NRXN3: variants seen among roughly 807,000 people sequenced by gnomAD.
NRXN3 encodes the protein neurexin III.
Under a neutral mutation model 137.6 loss-of-function variants are expected in NRXN3, and 32 were observed. That is an observed-to-expected ratio of 0.23 (90% CI 0.18 to 0.31). The LOEUF is 0.31. NRXN3 is among the 10% of genes least tolerant of loss of function. NRXN3 has a pLI of 1.00. For missense variants in NRXN3, 1,574 were observed against 2,062.5 expected (o/e 0.76, Z 4.59); for synonymous variants, 798 against 784.5 (o/e 1.02, Z -0.29).
chr14:78,962,908 T>G (rs765470475), intron 11 of NRXN3, among the ~76,000 whole-genome samples: 1 of 152,078 alleles, frequency 6.6e-6, no homozygotes, highest in Non-Finnish European at 1.5e-5. Flanking sequence ...AAGACGGGTT[T>G]TCACCATGTT....
intron 8 of NRXN3, among the ~76,000 whole-genome samples, chr14:78,767,806 T>C (rs941133521): frequency 2.0e-5 from 3 of 152,188 alleles, no homozygotes; most frequent in African/African-American, 7.2e-5. Flanking sequence ...TTCACCATTC[T>C]TGAACTATAT....
intron 19 of NRXN3, among the ~76,000 whole-genome samples, chr14:79,726,295 AC>A (rs1443522465): frequency 6.6e-6 from 1 of 152,200 alleles, no homozygotes; most frequent in East Asian, 1.9e-4. Context: ...GGTAATAACT[AC>A]CTTGGAAGTA....
At chr14:78,590,747 C>G (rs2097108907) in intron 4 of NRXN3, among the ~76,000 whole-genome samples, 1 of 152,072 alleles carries the variant, frequency 6.6e-6, no homozygotes, top group African/African-American at 2.4e-5. Flanking sequence ...AACCTTCTCT[C>G]TACTAAAAAA....
chr14:78,846,982 G>A (rs2099029001), intron 10 of NRXN3, among the ~76,000 whole-genome samples: 1 of 151,994 alleles, frequency 6.6e-6, no homozygotes, highest in South Asian at 2.1e-4. Context: ...TTGATACTTG[G>A]GTACTTGTCT....
At chr14:78,256,176 G>GAGGC (rs2069557469) in intron 2 of NRXN3, among the ~76,000 whole-genome samples, 1 of 152,100 alleles carries the variant, frequency 6.6e-6, no homozygotes, top group Non-Finnish European at 1.5e-5. Flanking sequence ...ATGGCTGTTT[G>GAGGC]AGGCAGGCAC....
At chr14:78,443,081 T>A (rs1598736567) in intron 4 of NRXN3, among the ~76,000 whole-genome samples, 1 of 152,238 alleles carries the variant, frequency 6.6e-6, no homozygotes, top group South Asian at 2.1e-4. Flanking sequence ...TTCCTTTAAC[T>A]GTGCACATAA....
chr14:79,078,304 C>T (rs1166527388), intron 15 of NRXN3, among the ~76,000 whole-genome samples: 5 of 152,132 alleles, frequency 3.3e-5, no homozygotes, highest in African/African-American at 1.2e-4. Context: ...CGCATGTTAA[C>T]CCATAGGAGG....
chr14:78,342,960 G>A (rs2082301543), intron 4 of NRXN3, among the ~76,000 whole-genome samples: 1 of 152,098 alleles, frequency 6.6e-6, no homozygotes, highest in Non-Finnish European at 1.5e-5. Context: ...ATTCTGCAGG[G>A]TGATTCTCTG....
chr14:79,072,891 T>C (rs1330581690), intron 15 of NRXN3, among the ~76,000 whole-genome samples: 1 of 151,370 alleles, frequency 6.6e-6, no homozygotes, highest in Admixed American at 6.6e-5. Context: ...TCTCTCTTTT[T>C]TTTTTTTTTG....
chr14:79,230,494 C>T (rs2071967997), intron 15 of NRXN3, among the ~76,000 whole-genome samples: 1 of 152,136 alleles, frequency 6.6e-6, no homozygotes, highest in African/African-American at 2.4e-5. Context: ...CTACCTTCTA[C>T]CTTGTGAGTT....
intron 19 of NRXN3, among the ~76,000 whole-genome samples, chr14:79,759,020 T>C (rs1475117678): frequency 6.6e-6 from 1 of 152,162 alleles, no homozygotes; most frequent in African/African-American, 2.4e-5. Context: ...ATTACAGAAA[T>C]CAGCTCTTGG....
chr14:78,350,053 T>C (rs2083273434), intron 4 of NRXN3, among the ~76,000 whole-genome samples: 1 of 152,162 alleles, frequency 6.6e-6, no homozygotes, highest in African/African-American at 2.4e-5. Context: ...TTTGGGAAGC[T>C]GAGGCAGGTG....
chr14:79,683,959 C>T (rs1297071122), intron 17 of NRXN3, among the ~76,000 whole-genome samples: 2 of 152,158 alleles, frequency 1.3e-5, no homozygotes, highest in East Asian at 3.9e-4. Context: ...AAGTCCAGCC[C>T]ACAATCAAGG....
chr14:78,350,911 A>G (rs2083393270), intron 4 of NRXN3, among the ~76,000 whole-genome samples: 1 of 152,170 alleles, frequency 6.6e-6, no homozygotes, highest in South Asian at 2.1e-4. Flanking sequence ...AAACCCCATT[A>G]CCCAGAATGA....
intron 14 of NRXN3, among the ~76,000 whole-genome samples, chr14:78,968,896 C>T (rs899834312): frequency 2.0e-5 from 3 of 152,118 alleles, no homozygotes; most frequent in African/African-American, 7.2e-5. Flanking sequence ...CTAGGCAGTT[C>T]TTTAGTGTGG....
At chr14:78,638,924 T>C (rs61976139) in intron 4 of NRXN3, among the ~76,000 whole-genome samples, 9,281 of 152,304 alleles carry the variant, frequency 0.061, 339 homozygotes, top group Middle Eastern at 0.15. Context: ...AGTTGTGTAC[T>C]CTTTTGCCTT....
chr14:79,308,404 T>G (rs1167372854), intron 15 of NRXN3, among the ~76,000 whole-genome samples: 2 of 152,100 alleles, frequency 1.3e-5, no homozygotes, highest in African/African-American at 4.8e-5. Flanking sequence ...CTTGAAGGAC[T>G]TAGGATGCTA....
chr14:79,800,209 T>A (rs961672080), intron 19 of NRXN3, among the ~76,000 whole-genome samples: 2 of 152,208 alleles, frequency 1.3e-5, no homozygotes, highest in African/African-American at 2.4e-5. Context: ...GAAGATGACA[T>A]TGAACGCAAC....
chr14:79,682,971 A>G (rs529775735), intron 17 of NRXN3, among the ~76,000 whole-genome samples: 30 of 152,282 alleles, frequency 2.0e-4, no homozygotes, highest in African/African-American at 5.5e-4. Context: ...GACCAATGCA[A>G]ACAAAATAAA....
Sources: gnomAD v4.1 joint callset for allele counts (sites outside exome capture counted in the v4.1 genomes callset) on GRCh38, gnomAD v4.1.1 for gene constraint, MANE v1.5 for transcripts, NCBI Gene and HGNC (gene_info 2026-07-23, HGNC 2026-07-21) for gene names.